The following PRKN variants were observed in gnomAD, a reference collection of about 807,000 sequenced individuals.
The protein encoded by PRKN is parkin RBR E3 ubiquitin protein ligase, also known as E3 ubiquitin-protein ligase parkin.
Under a neutral mutation model 59.5 loss-of-function variants are expected in PRKN, and 56 were observed. The observed-to-expected ratio is 0.94, with a 90% CI of 0.76 to 1.18. The LOEUF is 1.18. Ranked by LOEUF, PRKN falls within the 50% of genes most tolerant of loss-of-function variation. The probability of loss-of-function intolerance (pLI) is 0.00; values close to 1 mark genes in which losing one functional copy is unlikely to be tolerated. For missense variants in PRKN, 657 were observed against 596.4 expected, an observed-to-expected ratio of 1.10 and a Z score of -1.06; for synonymous variants, 250 against 222.1, an observed-to-expected ratio of 1.13 and a Z score of -1.12.
At chr6:161,651,115 CT>C (rs1482744421) in intron 7 of PRKN, among the ~76,000 whole-genome samples, 2 of 152,140 alleles carry the variant, frequency 1.3e-5, no homozygotes, top group Non-Finnish European at 2.9e-5. Context: ...TAATGCTTGT[CT>C]TTAAGAAGAG....
Position 161,894,197 on chromosome 6 carries a change from G to A in PRKN, c.734+79105C>T, listed in dbSNP as rs548616883. 3.9e-5 allele frequency among the ~76,000 whole-genome samples: 6 copies of A among 152,164 alleles called. No individual in the cohort carries two copies. In the South Asian group the frequency reaches 6.2e-4, roughly 16 times the overall value. On this transcript the variant is annotated intron_variant, in intron 6 of 11. Transcript: ENST00000366898. Reference sequence around the variant, plus strand: ...CCCTTCGACCTACCAACCCCACCATGAACTACTGACAATCTTTCTGTGGCC... The same window carrying A: ...CCCTTCGACCTACCAACCCCACCATAAACTACTGACAATCTTTCTGTGGCC...
At chr6:162,474,846 T>C (rs747494163) in intron 1 of PRKN, among the ~76,000 whole-genome samples, 23 of 152,098 alleles carry the variant, frequency 1.5e-4, no homozygotes, top group Non-Finnish European at 2.1e-4. Context: ...GGCTTTGGGG[T>C]ATAGGCAGGC....
intron 2 of PRKN, among the ~76,000 whole-genome samples, chr6:162,353,802 T>A (rs1344311466): frequency 6.6e-6 from 1 of 152,144 alleles, no homozygotes; most frequent in Admixed American, 6.6e-5. Flanking sequence ...AAATTCCATA[T>A]AAATCTAATG....
intron 4 of PRKN, among the ~76,000 whole-genome samples, chr6:162,059,402 T>C (rs962100908): frequency 1.3e-5 from 2 of 152,238 alleles, no homozygotes; most frequent in African/African-American, 4.8e-5. Flanking sequence ...GAAACAACTG[T>C]CCAAGTGAAT....
intron 9 of PRKN, among the ~76,000 whole-genome samples, chr6:161,509,093 C>T (rs968356793): frequency 1.3e-5 from 2 of 152,168 alleles, no homozygotes; most frequent in Non-Finnish European, 2.9e-5. Context: ...ATCCGCCAGT[C>T]TTGGCCTCCC....
At chr6:162,488,027 CTTTTTTTTTTT>C (rs752587530) in intron 1 of PRKN, among the ~76,000 whole-genome samples, 1 of 109,772 alleles carries the variant, frequency 9.1e-6, no homozygotes, top group Non-Finnish European at 1.9e-5. Context: ...CACCATTTCC[CTTTTTTTTTTT>C]TTTTTTTTTT....
intron 6 of PRKN, among the ~76,000 whole-genome samples, chr6:161,825,243 T>C (rs1792191608): frequency 6.6e-6 from 1 of 152,178 alleles, no homozygotes; most frequent in Non-Finnish European, 1.5e-5. Context: ...TGAAATATGT[T>C]ATTTTTCTAA....
chr6:161,705,540 T>C (rs960418486), intron 7 of PRKN, among the ~76,000 whole-genome samples: 7 of 152,128 alleles, frequency 4.6e-5, no homozygotes, highest in African/African-American at 9.7e-5. Flanking sequence ...GGTTACTATG[T>C]AGATTAATAG....
intron 1 of PRKN, among the ~76,000 whole-genome samples, chr6:162,622,412 C>T (rs1242985133): frequency 2.0e-5 from 3 of 151,702 alleles, no homozygotes; most frequent in Non-Finnish European, 2.9e-5. Flanking sequence ...TCCAACACCT[C>T]GCCTCAGGTC....
In PRKN at chr6:161,584,869, C is replaced by A. The variant is rs1352657283; in HGVS notation, c.872-15453G>T. 6.6e-6 allele frequency among the ~76,000 whole-genome samples: 1 copy of A among 152,100 alleles called. No homozygotes were observed. The highest frequency in any genetic ancestry group is 1.5e-5 in the Non-Finnish European group (1 of 68,016). On this transcript the variant is annotated intron_variant, in intron 7 of 11. Coordinates refer to ENST00000366898, the MANE Select transcript of PRKN (RefSeq NM_004562.3). The surrounding 1 kb of genome is among the most constrained non-coding windows in gnomAD (Gnocchi z 4.8). ...AAATTATACTATCACACCATGGAAA[C>A]AAATTAAACAGCACAAGCCTGGCTG... is the stretch of plus-strand genomic sequence containing the variant.
In PRKN at chr6:161,349,479, T is replaced by C. The variant is rs1225755577; in HGVS notation, c.*620A>G. ...TGGTATTTCATTAATGCGATTTATA[T>C]AGATGGAATTCTTAAGGATAAACAA... On this transcript the variant is annotated 3_prime_UTR_variant, in exon 12 of 12. Coordinates refer to ENST00000366898, the MANE Select transcript of PRKN (RefSeq NM_004562.3). The surrounding 1 kb of genome is among the most constrained non-coding windows in gnomAD (Gnocchi z 5.5). 4.3e-6 allele frequency: 1 copy of C among 232,892 alleles called. No homozygotes were observed. The highest frequency in any genetic ancestry group is 6.1e-5 in the East Asian group (1 of 16,342). The allele number at this position is 232,892 out of a possible 1,614,324, so 14.4% of individuals were successfully genotyped here.
intron 9 of PRKN, among the ~76,000 whole-genome samples, chr6:161,508,029 C>T (rs1232999634): frequency 6.6e-6 from 1 of 152,130 alleles, no homozygotes; most frequent in Non-Finnish European, 1.5e-5. Flanking sequence ...TAAAACGTAT[C>T]CAGGGAAACA....
In PRKN at chr6:161,409,511, G is replaced by C. The variant is rs1787428808; in HGVS notation, c.1084-22634C>G. Among the ~76,000 whole-genome samples, 1 of 152,160 alleles carries C rather than the reference G, an allele frequency of 6.6e-6. No homozygotes were observed. The highest frequency in any genetic ancestry group is 2.1e-4 in the South Asian group (1 of 4,830). ...CCCTTTCTCAGGACATAGACAAGTA[G>C]CTTTCCTACTGACAGCACCTCTCAG... On this transcript the variant is annotated intron_variant, in intron 9 of 11. Coordinates refer to ENST00000366898, the MANE Select transcript of PRKN (RefSeq NM_004562.3). The surrounding 1 kb of genome is among the most constrained non-coding windows in gnomAD (Gnocchi z 4.6).
chr6:161,700,301 A>G (rs1786200032), intron 7 of PRKN, among the ~76,000 whole-genome samples: 1 of 151,944 alleles, frequency 6.6e-6, no homozygotes, highest in Admixed American at 6.6e-5. Context: ...AACCTCTTTG[A>G]TCCTGGCTAA....
chr6:161,558,993 A>G (rs887519789), intron 8 of PRKN, among the ~76,000 whole-genome samples: 1 of 151,802 alleles, frequency 6.6e-6, no homozygotes, highest in Non-Finnish European at 1.5e-5. Flanking sequence ...AATTGCATAG[A>G]AAAAACTATC....
Position 161,445,618 on chromosome 6 carries a change from G to A in PRKN, c.1084-58741C>T, listed in dbSNP as rs1789447327. Among the ~76,000 whole-genome samples the A allele has an allele frequency of 6.6e-6, 1 of 152,196 alleles. No homozygotes were observed. The highest frequency in any genetic ancestry group is 1.5e-5 in the Non-Finnish European group (1 of 68,036). ...AAGAGGCCACCTGTATCATCCACCC[G>A]TGCTGCAGCTGAATGGGATCGGTGC... On this transcript the variant is annotated intron_variant, in intron 9 of 11. Transcript: ENST00000366898. This position sits in a 1 kb window ranked among gnomAD's most constrained non-coding sequence, Gnocchi z 7.7.
intron 6 of PRKN, among the ~76,000 whole-genome samples, chr6:161,957,346 A>G (rs1780207294): frequency 6.6e-6 from 1 of 151,842 alleles, no homozygotes; most frequent in South Asian, 2.1e-4. Context: ...TCAAGTTTAT[A>G]TGGCAAGCAA....
In PRKN at chr6:161,388,869, G is replaced by A. The variant is rs758783427; in HGVS notation, c.1084-1992C>T. Among the ~76,000 whole-genome samples the A allele has an allele frequency of 9.2e-5, 14 of 152,160 alleles. No individual in the cohort carries two copies. The highest frequency in any genetic ancestry group is 2.1e-4 in the Non-Finnish European group (14 of 68,038). On this transcript the variant is annotated intron_variant, in intron 9 of 11. Coordinates refer to ENST00000366898, the MANE Select transcript of PRKN (RefSeq NM_004562.3). This position sits in a 1 kb window ranked among gnomAD's most constrained non-coding sequence, Gnocchi z 4.3. ...CACCAACTTGCCAGCTATGTGACTG[G>A]GTCATATTCCAAGTAGACTGTTGTT...
At chr6:161,486,248 G>GTT (rs5881412) in intron 9 of PRKN, among the ~76,000 whole-genome samples, 4 of 151,772 alleles carry the variant, frequency 2.6e-5, no homozygotes, top group Non-Finnish European at 4.4e-5. Flanking sequence ...ACAGTTATGT[G>GTT]TTTTTTTTAA....
Sources: gnomAD v4.1 joint callset for allele counts (sites outside exome capture counted in the v4.1 genomes callset) on GRCh38, gnomAD v4.1.1 for gene constraint, Gnocchi (gnomAD v3.1) non-coding constraint, MANE v1.5 for transcripts, NCBI Gene and HGNC (gene_info 2026-07-23, HGNC 2026-07-21) for gene names.